Variants in ADGRB3 observed in about 807,000 individuals in gnomAD.
The protein encoded by ADGRB3 is brain-specific angiogenesis inhibitor 3.
ADGRB3 carries 37 observed loss-of-function variants against 193.4 expected under a neutral mutation model. The ratio of observed to expected loss-of-function variants is 0.19; its 90% CI spans 0.15 to 0.25. ADGRB3 has a LOEUF of 0.25. ADGRB3 is among the 10% of genes least tolerant of loss of function. The pLI is 1.00. For missense variants in ADGRB3, 1,637 were observed against 1,852.9 expected (o/e 0.88, Z 2.14); for synonymous variants, 690 against 644.2 (o/e 1.07, Z -1.08).
At chr6:68,681,783 A>G (rs1772056868) in intron 3 of ADGRB3, among the ~76,000 whole-genome samples, 1 of 152,210 alleles carries the variant, frequency 6.6e-6, no homozygotes, top group Admixed American at 6.5e-5. Flanking sequence ...ATTTATTTTC[A>G]TTTAATCCAA....
intron 17 of ADGRB3, among the ~76,000 whole-genome samples, chr6:69,150,452 C>T (rs1425672027): frequency 6.6e-6 from 1 of 152,158 alleles, no homozygotes; most frequent in Non-Finnish European, 1.5e-5. Context: ...CCCAAGGGCT[C>T]TTCAGTCAGC....
chr6:69,038,329 G>GAT (rs144204990), intron 13 of ADGRB3, among the ~76,000 whole-genome samples: 1 of 149,476 alleles, frequency 6.7e-6, no homozygotes, highest in African/African-American at 2.5e-5. Flanking sequence ...TGAATACACA[G>GAT]ACACACACAC....
intron 3 of ADGRB3, among the ~76,000 whole-genome samples, chr6:68,788,939 G>A (rs1040707863): frequency 3.3e-5 from 5 of 152,074 alleles, no homozygotes; most frequent in African/African-American, 1.2e-4. Context: ...GAACTTTGTT[G>A]GTTTAAAGTC....
At chr6:68,848,645 G>T (rs1191308075) in intron 3 of ADGRB3, among the ~76,000 whole-genome samples, 1 of 151,852 alleles carries the variant, frequency 6.6e-6, no homozygotes, top group African/African-American at 2.4e-5. Context: ...AGCATTTTGT[G>T]TTATTAAGTC....
chr6:68,699,716 C>A (rs540186724), intron 3 of ADGRB3, among the ~76,000 whole-genome samples: 1 of 146,096 alleles, frequency 6.8e-6, no homozygotes, highest in South Asian at 2.3e-4. Context: ...AATTTGATTG[C>A]GCATCACCAC....
In ADGRB3 at chr6:68,961,624, C is replaced by A. The variant is rs550105684; in HGVS notation, c.1525+4815C>A. ...AAGTTAGATTCTTCTAAACTAAACT[C>A]TTGAACCACTCAATTTTAAGACTGA... is the stretch of plus-strand genomic sequence containing the variant. On this transcript the variant is annotated intron_variant, in intron 8 of 31. Transcript: ENST00000370598. Among the ~76,000 whole-genome samples the A allele has an allele frequency of 6.6e-5, 10 of 152,210 alleles. No individual in the cohort carries two copies. The East Asian group carries it at 1.5e-3, about 24-fold the overall frequency.
chr6:69,305,854 A>G (rs897685425), intron 20 of ADGRB3, among the ~76,000 whole-genome samples: 1 of 151,526 alleles, frequency 6.6e-6, no homozygotes, highest in African/African-American at 2.4e-5. Context: ...TGGATTAACA[A>G]ACTGAAGATT....
At chr6:68,703,224 C>A (rs1310570047) in intron 3 of ADGRB3, among the ~76,000 whole-genome samples, 1 of 152,034 alleles carries the variant, frequency 6.6e-6, no homozygotes, top group African/African-American at 2.4e-5. Context: ...TTGTGGATTT[C>A]AAAACAATCT....
chr6:69,282,149 A>G (rs1767449991), intron 20 of ADGRB3, among the ~76,000 whole-genome samples: 1 of 152,120 alleles, frequency 6.6e-6, no homozygotes, highest in Admixed American at 6.6e-5. Flanking sequence ...TTTTCTCAAG[A>G]GCAATGTCTC....
chr6:69,053,173 CA>C (rs1354638942), intron 15 of ADGRB3, among the ~76,000 whole-genome samples: 1 of 151,840 alleles, frequency 6.6e-6, no homozygotes, highest in African/African-American at 2.4e-5. Flanking sequence ...GGTGACAGAG[CA>C]AGATTCCATA....
At chr6:68,787,082 A>T (rs1766990304) in intron 3 of ADGRB3, among the ~76,000 whole-genome samples, 1 of 152,182 alleles carries the variant, frequency 6.6e-6, no homozygotes, top group Non-Finnish European at 1.5e-5. Context: ...CTAGATATAC[A>T]ATCATGTAAT....
chr6:69,155,665 G>A (rs1430376762), intron 17 of ADGRB3, among the ~76,000 whole-genome samples: 10 of 152,194 alleles, frequency 6.6e-5, no homozygotes, highest in African/African-American at 2.4e-4. Flanking sequence ...GCCATCTAAT[G>A]TTGGAGCTGT....
At chr6:68,652,647 T>C (rs577522130) in intron 3 of ADGRB3, among the ~76,000 whole-genome samples, 44 of 152,280 alleles carry the variant, frequency 2.9e-4, no homozygotes, top group African/African-American at 9.9e-4. Context: ...TAAGTACAAT[T>C]GATAAATATT....
At chr6:69,165,778 T>C (rs980059815) in intron 17 of ADGRB3, among the ~76,000 whole-genome samples, 1 of 152,114 alleles carries the variant, frequency 6.6e-6, no homozygotes, top group Non-Finnish European at 1.5e-5. Flanking sequence ...TTTACAAATG[T>C]ATGAGACACT....
intron 3 of ADGRB3, among the ~76,000 whole-genome samples, chr6:68,897,884 G>C (rs1019599436): frequency 2.1e-5 from 3 of 145,796 alleles, no homozygotes; most frequent in Admixed American, 6.8e-5. Flanking sequence ...AAGAAAGAAA[G>C]AAAAAAGAAA....
intron 13 of ADGRB3, among the ~76,000 whole-genome samples, chr6:69,042,026 T>C (rs80106184): frequency 6.6e-6 from 1 of 152,300 alleles, no homozygotes; most frequent in East Asian, 1.9e-4. Flanking sequence ...ATGGGAGTGG[T>C]TCACCCCATC....
chr6:69,088,190 A>C (rs1000574474), intron 17 of ADGRB3, among the ~76,000 whole-genome samples: 1 of 152,146 alleles, frequency 6.6e-6, no homozygotes, highest in African/African-American at 2.4e-5. Flanking sequence ...AATGGAATGA[A>C]GTTTTTAATT....
At chr6:69,219,731 C>G (rs897359543) in intron 17 of ADGRB3, among the ~76,000 whole-genome samples, 1 of 151,550 alleles carries the variant, frequency 6.6e-6, no homozygotes, top group Non-Finnish European at 1.5e-5. Flanking sequence ...ACTTCAGTAT[C>G]TATGTGGATT....
intron 3 of ADGRB3, among the ~76,000 whole-genome samples, chr6:68,843,314 C>G (rs921848640): frequency 6.6e-6 from 1 of 151,838 alleles, no homozygotes; most frequent in African/African-American, 2.4e-5. Context: ...AGATAATAAA[C>G]AAATTTAGTA....
Sources: allele counts gnomAD v4.1 joint callset (sites outside exome capture counted in the v4.1 genomes callset), GRCh38; gene constraint gnomAD v4.1.1; transcripts MANE v1.5; gene names NCBI Gene and HGNC (gene_info 2026-07-23, HGNC 2026-07-21).